RARB: variants seen among roughly 807,000 people sequenced by gnomAD.
The protein encoded by RARB is HBV-activated protein.
Under a neutral mutation model 51.9 loss-of-function variants are expected in RARB, and 17 were observed. The observed-to-expected ratio is 0.33, with a 90% CI of 0.22 to 0.49. The LOEUF is 0.49. RARB is among the 20% of genes least tolerant of loss of function. RARB has a pLI of 0.99. For missense variants in RARB, 369 were observed against 550.8 expected, an observed-to-expected ratio of 0.67 and a Z score of 3.30; for synonymous variants, 215 against 195.4, an observed-to-expected ratio of 1.10 and a Z score of -0.84.
chr3:25,314,076 C>CA (rs1207532377), intron 5 of RARB, among the ~76,000 whole-genome samples: 57 of 147,930 alleles, frequency 3.9e-4, no homozygotes, highest in African/African-American at 5.0e-4. Context: ...GTCTCAACAA[C>CA]AAAAAAAAAT....
rs932719789 is a variant in RARB at position 25,309,785 on chromosome 3, G to C, written c.178+135210G>C. Among the ~76,000 whole-genome samples, 3 of 151,944 alleles carry C rather than the reference G, an allele frequency of 2.0e-5. No individual in the cohort carries two copies. In the South Asian group the frequency reaches 6.2e-4, roughly 32 times the overall value. On this transcript the variant is annotated intron_variant, in intron 5 of 11. Coordinates refer to the RARB transcript ENST00000383772. ...GCTGGGATTTCAGGGATGAGCCACC[G>C]TGCCCAGCCTCATAATTGCTCTTAC...
chr3:25,424,543 AG>A (rs1239016780), upstream of RARB, among the ~76,000 whole-genome samples: 1 of 152,176 alleles, frequency 6.6e-6, no homozygotes, highest in East Asian at 1.9e-4. Flanking sequence ...GGGGATTAAC[AG>A]GGAAAAAAAA....
At chr3:24,891,492 G>T (rs1156870094) in intron 2 of RARB, among the ~76,000 whole-genome samples, 1 of 152,166 alleles carries the variant, frequency 6.6e-6, no homozygotes, top group African/African-American at 2.4e-5. Context: ...GCTATTAAGT[G>T]CTTTCTGTGC....
chr3:24,928,200 A>G (rs1695360630), intron 2 of RARB, among the ~76,000 whole-genome samples: 1 of 151,916 alleles, frequency 6.6e-6, no homozygotes, highest in Non-Finnish European at 1.5e-5. Flanking sequence ...AGGTGTTTCC[A>G]TTGCTTATGC....
At chr3:25,382,185 A>T (rs1706648551) in intron 5 of RARB, among the ~76,000 whole-genome samples, 1 of 152,228 alleles carries the variant, frequency 6.6e-6, no homozygotes. Context: ...GATGTTCTTT[A>T]TTCTCATGGA....
intron 3 of RARB, among the ~76,000 whole-genome samples, chr3:25,545,559 C>T (rs1339598661): frequency 8.5e-5 from 13 of 152,188 alleles, no homozygotes; most frequent in Admixed American, 7.2e-4. Context: ...TCATTCCCTC[C>T]GTGCCCCTGT....
intron 3 of RARB, among the ~76,000 whole-genome samples, chr3:25,070,200 T>C (rs1698741079): frequency 6.6e-6 from 1 of 152,214 alleles, no homozygotes. Flanking sequence ...GCATGGCTCT[T>C]ATTATAAGAC....
intron 5 of RARB, among the ~76,000 whole-genome samples, chr3:25,398,030 G>A: frequency 6.6e-6 from 1 of 151,990 alleles, no homozygotes; most frequent in Non-Finnish European, 1.5e-5. Flanking sequence ...ATCTTTTTGG[G>A]TGAAATTTCC....
chr3:25,056,118 G>A (rs887608863), intron 2 of RARB, among the ~76,000 whole-genome samples: 1 of 152,130 alleles, frequency 6.6e-6, no homozygotes, highest in African/African-American at 2.4e-5. Context: ...AGAGGTTTCA[G>A]GGGGTCAAGA....
At chr3:25,157,414 T>G (rs2125344494) in intron 4 of RARB, among the ~76,000 whole-genome samples, 1 of 151,730 alleles carries the variant, frequency 6.6e-6, no homozygotes, top group Admixed American at 6.6e-5. Flanking sequence ...TTGTTTTTGT[T>G]TTTTTTTGAG....
intron 5 of RARB, among the ~76,000 whole-genome samples, chr3:25,176,674 G>A (rs321539): frequency 0.17 from 25,910 of 151,814 alleles, 2,388 homozygotes; most frequent in South Asian, 0.25. Flanking sequence ...GATTATAGGC[G>A]TGAGCCACCG....
chr3:24,870,771 A>G (rs1188459007), intron 2 of RARB, among the ~76,000 whole-genome samples: 3 of 152,122 alleles, frequency 2.0e-5, no homozygotes, highest in African/African-American at 4.8e-5. Flanking sequence ...TAATAGGCAC[A>G]TATATTTATA....
At chr3:24,949,273 G>C (rs1695838482) in intron 2 of RARB, among the ~76,000 whole-genome samples, 1 of 152,210 alleles carries the variant, frequency 6.6e-6, no homozygotes, top group African/African-American at 2.4e-5. Context: ...AAGTGTAACA[G>C]AAACACATAT....
At chr3:25,119,201 T>C (rs548345421) in intron 3 of RARB, among the ~76,000 whole-genome samples, 6 of 152,266 alleles carry the variant, frequency 3.9e-5, no homozygotes, top group African/African-American at 1.2e-4. Flanking sequence ...TCAGAATACC[T>C]TGGGTTTGAA....
chr3:25,345,997 T>A, intron 5 of RARB: 1 of 538,660 alleles, frequency 1.9e-6, no homozygotes, highest in Non-Finnish European at 2.4e-6. Context: ...GATGAGTAGT[T>A]CTTCTGACCC....
intron 5 of RARB, among the ~76,000 whole-genome samples, chr3:25,242,947 A>G (rs896049274): frequency 3.9e-5 from 6 of 152,156 alleles, no homozygotes; most frequent in Admixed American, 3.9e-4. Flanking sequence ...TGAGCATGGA[A>G]TGTTTTTCCA....
chr3:25,306,995 C>G (rs778308774), intron 5 of RARB, among the ~76,000 whole-genome samples: 3 of 152,168 alleles, frequency 2.0e-5, no homozygotes, highest in Non-Finnish European at 2.9e-5. Context: ...CATTCCTTCA[C>G]ATTCTACTAG....
At chr3:25,034,589 C>T (rs1286659742) in intron 2 of RARB, among the ~76,000 whole-genome samples, 2 of 152,272 alleles carry the variant, frequency 1.3e-5, no homozygotes, top group South Asian at 2.1e-4. Flanking sequence ...GTTTTTATGG[C>T]TCAACAAAGC....
chr3:24,892,702 T>C (rs935998587), intron 2 of RARB, among the ~76,000 whole-genome samples: 11 of 152,220 alleles, frequency 7.2e-5, no homozygotes, highest in African/African-American at 2.7e-4. Context: ...ACTGAGAATG[T>C]AATTCTTAGT....
Sources: gnomAD v4.1 joint callset for allele counts (sites outside exome capture counted in the v4.1 genomes callset) on GRCh38, gnomAD v4.1.1 for gene constraint, MANE v1.5 for transcripts, NCBI Gene and HGNC (gene_info 2026-07-23, HGNC 2026-07-21) for gene names.